The following RNF216 variants were observed in gnomAD, a reference collection of about 807,000 sequenced individuals.
The protein encoded by RNF216 is ring finger protein 216, also known as E3 ubiquitin-protein ligase RNF216.
In RNF216, 72 loss-of-function variants were observed where a neutral mutation model predicts 110.8. That is an observed-to-expected ratio of 0.65 (90% confidence interval 0.54 to 0.79). RNF216 has a LOEUF of 0.79. Ranked by LOEUF, RNF216 falls within the 30% of genes least tolerant of loss-of-function variation. The probability of loss-of-function intolerance (pLI) is 0.00; values close to 1 mark genes in which losing one functional copy is unlikely to be tolerated. For missense variants in RNF216, 1,342 were observed against 1,141.2 expected (o/e 1.18, Z -2.54); for synonymous variants, 495 against 407.5 (o/e 1.21, Z -2.59).
intron 1 of RNF216, 32 bp from the exon 2 acceptor site, chr7:5,761,170 T>A: frequency 1.5e-6 from 1 of 648,364 alleles, no homozygotes; most frequent in Non-Finnish European, 2.6e-6. Context: ...ACAGTAAGAA[T>A]GAGGGAGTAT....
chr7:5,714,169 G>A (rs1426716755), intron 11 of RNF216, among the ~76,000 whole-genome samples: 1 of 152,080 alleles, frequency 6.6e-6, no homozygotes, highest in Non-Finnish European at 1.5e-5. Flanking sequence ...CACCATGTTG[G>A]CCAGGCTAGT....
At chr7:5,635,026 A>G (rs1787312942) in intron 15 of RNF216, among the ~76,000 whole-genome samples, 1 of 152,166 alleles carries the variant, frequency 6.6e-6, no homozygotes, top group Admixed American at 6.5e-5. Flanking sequence ...ACGACCATGT[A>G]TTTGTGGCAG....
At chr7:5,765,689 TC>T (rs1796166858) in intron 1 of RNF216, among the ~76,000 whole-genome samples, 1 of 150,274 alleles carries the variant, frequency 6.7e-6, no homozygotes, top group South Asian at 2.1e-4. Context: ...ACACCTGTAA[TC>T]CCAGTACTTC....
chr7:5,668,808 G>C (rs996969296), intron 13 of RNF216, among the ~76,000 whole-genome samples: 1 of 152,136 alleles, frequency 6.6e-6, no homozygotes, highest in Non-Finnish European at 1.5e-5. Flanking sequence ...CATTCTCCTG[G>C]TTCACAAGAT....
rs370824818 is a variant in RNF216, at chr7:5,663,974, G to A, written c.2062-11464C>T. The stretch of plus-strand genomic sequence containing the variant: ...GAGTGCCTATTCTGTGCCACATGGA[G>A]ATGCGATGGAGATGAAGCCTGGAGA... On this transcript the variant is annotated intron_variant, in intron 13 of 16. Coordinates refer to ENST00000389902, the MANE Select transcript of RNF216 (RefSeq NM_207111.4). 3.9e-5 allele frequency among the ~76,000 whole-genome samples: 6 copies of A among 152,290 alleles called. No homozygotes were observed. The East Asian group carries it at 1.2e-3, about 29-fold the overall frequency.
intron 3 of RNF216, among the ~76,000 whole-genome samples, chr7:5,752,142 G>T (rs890198614): frequency 1.3e-5 from 2 of 151,760 alleles, no homozygotes; most frequent in African/African-American, 4.8e-5. Flanking sequence ...CCAAGATCGC[G>T]CCACTGCACT....
At chr7:5,683,976 C>T (rs1167326467) in intron 13 of RNF216, among the ~76,000 whole-genome samples, 1 of 152,032 alleles carries the variant, frequency 6.6e-6, no homozygotes, top group Non-Finnish European at 1.5e-5. Context: ...GGGCAAGATC[C>T]AGTAGGGGTC....
rs191912907 is a variant in RNF216, at chr7:5,712,311, C to T, written c.1982+404G>A. ...CCTGGCCAACATGGCAAAACCTCGT[C>T]TCTACTAAAAATAAGCTGGAATGTG... On this transcript the variant is annotated intron_variant, in intron 12 of 16. Transcript: ENST00000389902. Among the ~76,000 whole-genome samples, 3 of 152,240 alleles carry T rather than the reference C, an allele frequency of 2.0e-5. No individual in the cohort carries two copies. The East Asian group carries it at 5.8e-4, about 29-fold the overall frequency.
chr7:5,722,165 C>A (rs1374693412), intron 8 of RNF216, among the ~76,000 whole-genome samples: 3 of 152,158 alleles, frequency 2.0e-5, no homozygotes, highest in African/African-American at 7.2e-5. Flanking sequence ...GCTAAATGAT[C>A]CACCAGCCTT....
At chr7:5,735,394 T>C (rs1352730956) in intron 5 of RNF216, among the ~76,000 whole-genome samples, 4 of 151,526 alleles carry the variant, frequency 2.6e-5, no homozygotes, top group Admixed American at 6.6e-5. Flanking sequence ...ACTTAACATA[T>C]CAGAACAATC....
rs532860218 is a variant in RNF216, at chr7:5,644,422, T to A, written c.2160-3046A>T. On this transcript the variant is annotated intron_variant, in intron 14 of 16. Coordinates refer to ENST00000389902, the MANE Select transcript of RNF216 (RefSeq NM_207111.4). ...ATTATAGTTCTGATTTGTATTTCTGTAATGACTAATGACGTTCAGCATGCT... is the reference window on the plus strand; with the variant it reads ...ATTATAGTTCTGATTTGTATTTCTGAAATGACTAATGACGTTCAGCATGCT... Among the ~76,000 whole-genome samples, 3 of 152,348 alleles carry A rather than the reference T, an allele frequency of 2.0e-5. No homozygotes were observed. In the East Asian group the frequency reaches 5.8e-4, roughly 29 times the overall value.
In RNF216 at chr7:5,680,130, C is replaced by T. The variant is rs1397203396; in HGVS notation, c.2062-27620G>A. Among the ~76,000 whole-genome samples, 1 of 152,192 alleles carries T rather than the reference C, an allele frequency of 6.6e-6. No individual in the cohort carries two copies. The highest frequency in any genetic ancestry group is 1.5e-5 in the Non-Finnish European group (1 of 68,034). ...CACGTTCTTCACACAAGGGACATCT[C>T]CCCCACGAGCTGGCCCTGAAGCTTC... On this transcript the variant is annotated intron_variant, in intron 13 of 16. Transcript: ENST00000389902. The surrounding 1 kb of genome is among the most constrained non-coding windows in gnomAD (Gnocchi z 4.3).
At chr7:5,642,954 A>G (rs1787831091) in intron 14 of RNF216, among the ~76,000 whole-genome samples, 1 of 152,032 alleles carries the variant, frequency 6.6e-6, no homozygotes, top group African/African-American at 2.4e-5. Context: ...GAAGCTGCTC[A>G]AGGAGAGAAG....
chr7:5,780,435 T>C (rs923097943), intron 1 of RNF216: 1 of 152,116 alleles, frequency 6.6e-6, no homozygotes, highest in Non-Finnish European at 1.5e-5. Context: ...AAACGTCTTT[T>C]GAAAAGACTG....
chr7:5,628,079 C>T (rs1018435059), intron 15 of RNF216, among the ~76,000 whole-genome samples: 27 of 152,164 alleles, frequency 1.8e-4, no homozygotes, highest in African/African-American at 6.3e-4. Context: ...AGAGTTCTTC[C>T]TGGAGAGGAA....
chr7:5,657,264 A>T (rs1201123884), intron 13 of RNF216, among the ~76,000 whole-genome samples: 1 of 152,190 alleles, frequency 6.6e-6, no homozygotes, highest in African/African-American at 2.4e-5. Context: ...CTGTTCTGTC[A>T]CCTCAAAAAA....
intron 13 of RNF216, among the ~76,000 whole-genome samples, chr7:5,664,185 G>T (rs779857578): frequency 1.3e-5 from 2 of 152,174 alleles, no homozygotes; most frequent in Non-Finnish European, 2.9e-5. Flanking sequence ...CAAAAAAAGC[G>T]TATCTATCTC....
intron 13 of RNF216, among the ~76,000 whole-genome samples, chr7:5,669,461 C>A (rs1171045802): frequency 6.6e-6 from 1 of 152,114 alleles, no homozygotes; most frequent in Non-Finnish European, 1.5e-5. Context: ...CTCCATCTTG[C>A]CTCAAGTGAA....
intron 13 of RNF216, among the ~76,000 whole-genome samples, chr7:5,686,113 T>C (rs1428901991): frequency 6.6e-6 from 1 of 151,220 alleles, no homozygotes; most frequent in African/African-American, 2.4e-5. Context: ...ATCCCAGCTA[T>C]TCGGGAGGCT....
Sources: allele counts gnomAD v4.1 joint callset (sites outside exome capture counted in the v4.1 genomes callset), GRCh38; gene constraint gnomAD v4.1.1; non-coding constraint Gnocchi (gnomAD v3.1); transcripts MANE v1.5; gene names NCBI Gene and HGNC (gene_info 2026-07-23, HGNC 2026-07-21).